The following ZBTB20 variants were observed in gnomAD, a reference collection of about 807,000 sequenced individuals.
ZBTB20 encodes the protein zinc finger and BTB domain-containing protein 20.
Under a neutral mutation model 56.9 loss-of-function variants are expected in ZBTB20, and 9 were observed. The observed-to-expected ratio is 0.16, with a 90% CI of 0.10 to 0.28. The LOEUF (loss-of-function observed/expected upper bound fraction) is 0.28, where lower values mean the gene tolerates loss of function less well. ZBTB20 is among the 10% of genes least tolerant of loss of function. ZBTB20 has a pLI of 1.00. For missense variants in ZBTB20, 655 were observed against 1,003.0 expected (o/e 0.65, Z 4.69); for synonymous variants, 417 against 420.7 (o/e 0.99, Z 0.11).
chr3:114,766,808 C>T (rs1345985273), intron 5 of ZBTB20, among the ~76,000 whole-genome samples: 4 of 152,126 alleles, frequency 2.6e-5, no homozygotes, highest in East Asian at 1.9e-4. Context: ...TCAAACCCTA[C>T]AAGAAAACTG....
At chr3:115,095,401 A>G (rs969885746) in intron 1 of ZBTB20, among the ~76,000 whole-genome samples, 2 of 152,174 alleles carry the variant, frequency 1.3e-5, no homozygotes, top group African/African-American at 4.8e-5. Flanking sequence ...GGCAAGCTCC[A>G]TGTCCTCAAG....
intron 6 of ZBTB20, among the ~76,000 whole-genome samples, chr3:114,608,153 A>G (rs1039144344): frequency 2.2e-4 from 34 of 152,332 alleles, no homozygotes; most frequent in Admixed American, 1.9e-3. Flanking sequence ...CTTTAAAAAA[A>G]CAAAAACACC....
intron 7 of ZBTB20, among the ~76,000 whole-genome samples, chr3:114,389,408 G>A (rs6792433): frequency 0.61 from 91,938 of 151,882 alleles, 28,468 homozygotes; most frequent in East Asian, 0.75. Flanking sequence ...GTGACAGTGG[G>A]GGAAGGAAGT....
At chr3:114,788,478 G>A (rs545326979) in intron 5 of ZBTB20, among the ~76,000 whole-genome samples, 1 of 152,270 alleles carries the variant, frequency 6.6e-6, no homozygotes, top group South Asian at 2.1e-4. Context: ...TATAGCATAT[G>A]TCAGAATTTT....
chr3:114,574,711 T>C (rs145233531), intron 6 of ZBTB20, among the ~76,000 whole-genome samples: 1 of 152,310 alleles, frequency 6.6e-6, no homozygotes, highest in African/African-American at 2.4e-5. Context: ...GTTTCTTTGA[T>C]TCTGATTTAT....
intron 7 of ZBTB20, among the ~76,000 whole-genome samples, chr3:114,406,568 C>T (rs1408907390): frequency 1.3e-5 from 2 of 152,028 alleles, no homozygotes; most frequent in Non-Finnish European, 2.9e-5. Flanking sequence ...GCGCCTTACT[C>T]GAGATGACAA....
At chr3:115,001,182 A>G (rs2079234399) in intron 2 of ZBTB20, among the ~76,000 whole-genome samples, 1 of 151,316 alleles carries the variant, frequency 6.6e-6, no homozygotes, top group African/African-American at 2.4e-5. Context: ...CAATTTTATT[A>G]TACTCTTCAG....
At chr3:114,778,887 A>G (rs185075522) in intron 5 of ZBTB20, among the ~76,000 whole-genome samples, 69 of 152,370 alleles carry the variant, frequency 4.5e-4, no homozygotes, top group Admixed American at 1.4e-3. Flanking sequence ...ATAAAATTAA[A>G]AAAAGTAACT....
At chr3:114,790,590 C>CTT (rs749460108) in intron 5 of ZBTB20, among the ~76,000 whole-genome samples, 1 of 147,132 alleles carries the variant, frequency 6.8e-6, no homozygotes, top group African/African-American at 2.6e-5. Flanking sequence ...AATCAGTATA[C>CTT]TTTTTTTTTT....
chr3:115,005,998 A>G (rs2079450425), intron 2 of ZBTB20, among the ~76,000 whole-genome samples: 1 of 141,914 alleles, frequency 7.0e-6, no homozygotes, highest in Non-Finnish European at 1.6e-5. Flanking sequence ...AGACATTGCC[A>G]AATGTTTTTT....
chr3:115,090,941 T>G (rs774600715), intron 1 of ZBTB20, among the ~76,000 whole-genome samples: 24 of 152,014 alleles, frequency 1.6e-4, no homozygotes, highest in Non-Finnish European at 2.9e-4. Context: ...GGATTCATTT[T>G]TAAGTGCTAT....
intron 3 of ZBTB20, among the ~76,000 whole-genome samples, chr3:114,924,502 T>C (rs549818185): frequency 2.8e-4 from 43 of 152,318 alleles, no homozygotes; most frequent in Non-Finnish European, 5.0e-4. Context: ...CATGAAATCT[T>C]ATAAAAAGGT....
intron 3 of ZBTB20, among the ~76,000 whole-genome samples, chr3:114,969,666 C>A (rs1170040540): frequency 1.3e-5 from 2 of 152,120 alleles, no homozygotes; most frequent in Non-Finnish European, 2.9e-5. Flanking sequence ...ACTCTATAAC[C>A]AGGTACCTTA....
intron 6 of ZBTB20, among the ~76,000 whole-genome samples, chr3:114,603,829 T>C (rs74801033): frequency 0.03 from 4,501 of 151,868 alleles, 230 homozygotes; most frequent in African/African-American, 0.1. Flanking sequence ...AAATGCAAAC[T>C]AAAACTATAC....
chr3:114,360,494 T>TA (rs1474482119), intron 10 of ZBTB20, among the ~76,000 whole-genome samples: 1 of 151,564 alleles, frequency 6.6e-6, no homozygotes, highest in Non-Finnish European at 1.5e-5. Flanking sequence ...ACAAGCGTGC[T>TA]ACCAAACTCG....
intron 7 of ZBTB20, among the ~76,000 whole-genome samples, chr3:114,481,378 G>A (rs368217031): frequency 6.6e-6 from 1 of 151,904 alleles, no homozygotes; most frequent in East Asian, 1.9e-4. Context: ...TAATCCAAAC[G>A]AGGATAAACC....
intron 4 of ZBTB20, among the ~76,000 whole-genome samples, chr3:114,872,603 T>C (rs999959365): frequency 1.3e-5 from 2 of 151,852 alleles, no homozygotes; most frequent in African/African-American, 4.8e-5. Flanking sequence ...AAGACATTTT[T>C]GGTAACAAGA....
chr3:114,740,939 A>G (rs966796614), intron 5 of ZBTB20, among the ~76,000 whole-genome samples: 2 of 152,238 alleles, frequency 1.3e-5, no homozygotes, highest in Non-Finnish European at 2.9e-5. Flanking sequence ...AGAAAACTAT[A>G]GAAATACGAA....
intron 6 of ZBTB20, among the ~76,000 whole-genome samples, chr3:114,529,796 C>T (rs2047636118): frequency 6.6e-6 from 1 of 152,146 alleles, no homozygotes; most frequent in Admixed American, 6.6e-5. Context: ...TACTGCATCC[C>T]CAATAAACAT....
Sources: allele counts gnomAD v4.1 joint callset (sites outside exome capture counted in the v4.1 genomes callset), GRCh38; gene constraint gnomAD v4.1.1; transcripts MANE v1.5; gene names NCBI Gene and HGNC (gene_info 2026-07-23, HGNC 2026-07-21).